FAM193B: variants seen among roughly 807,000 people sequenced by gnomAD.
The protein encoded by FAM193B is protein FAM193B.
FAM193B carries 27 observed loss-of-function variants against 70.7 expected under a neutral mutation model. That is an observed-to-expected ratio of 0.38 (90% confidence interval 0.28 to 0.53). FAM193B has a LOEUF of 0.53. Ranked by LOEUF, FAM193B falls within the 20% of genes least tolerant of loss-of-function variation. FAM193B has a pLI of 0.81. For missense variants in FAM193B, 1,022 were observed against 1,072.5 expected (o/e 0.95, Z 0.66); for synonymous variants, 448 against 436.0 (o/e 1.03, Z -0.34).
intron 1 of FAM193B, among the ~76,000 whole-genome samples, chr5:177,543,018 A>T (rs1765033568): frequency 6.6e-6 from 1 of 152,212 alleles, no homozygotes; most frequent in South Asian, 2.1e-4. Context: ...TGCTGCCTAC[A>T]GAGAAAGGCC....
Position 177,526,010 on chromosome 5 carries a change from C to T in FAM193B, c.1276-805G>A, listed in dbSNP as rs1018928777. Among the ~76,000 whole-genome samples, 4 of 152,356 alleles carry T rather than the reference C, an allele frequency of 2.6e-5. No individual in the cohort carries two copies. In the South Asian group the frequency reaches 6.2e-4, roughly 24 times the overall value. On this transcript the variant is annotated intron_variant, in intron 5 of 8. Coordinates refer to ENST00000514747, the MANE Select transcript of FAM193B (RefSeq NM_001190946.3). ...TAAAAAACCCTCGGGAAGGAGGTTG[C>T]TGTGGTGCGCCTGGCGCCATTGACT...
intron 4 of FAM193B, among the ~76,000 whole-genome samples, chr5:177,535,012 T>G (rs905142628): frequency 2.6e-5 from 4 of 152,230 alleles, no homozygotes; most frequent in Non-Finnish European, 5.9e-5. Context: ...CCCCTTTGGA[T>G]AGCAGTTTTT....
intron 8 of FAM193B, among the ~76,000 whole-genome samples, chr5:177,521,188 G>T (rs1325733226): frequency 6.6e-6 from 1 of 152,198 alleles, no homozygotes; most frequent in African/African-American, 2.4e-5. Flanking sequence ...TGAGGGTTGA[G>T]ATATGAAACT....
intron 5 of FAM193B, chr5:177,531,536 G>GGGGGGGGGGGGGGGGC: frequency 1.9e-6 from 2 of 1,047,042 alleles, no homozygotes; most frequent in Non-Finnish European, 2.6e-6. Flanking sequence ...GGGTGGGGGG[G>GGGGGGGGGGGGGGGGC]AGGTGCTGAC....
At chr5:177,531,529 T>TGGCGGGGGGG in intron 5 of FAM193B, 4 of 488,020 alleles carry the variant, frequency 8.2e-6, no homozygotes, top group South Asian at 2.1e-5. Context: ...TGGCTGGGGG[T>TGGCGGGGGGG]GGGGGGGAGG....
chr5:177,524,003 C>T lies in FAM193B; in HGVS notation c.2326G>A (p.Gly776Arg), dbSNP rs1026933710. 6 of 1,614,090 alleles carry T rather than the reference C, an allele frequency of 3.7e-6. No homozygotes were observed. The highest frequency in any genetic ancestry group is 5.1e-6 in the Non-Finnish European group (6 of 1,179,904). The change falls in exon 7 of 9, where the codon GGG (glycine) becomes AGG (arginine). Residue 776 changes from glycine (G) to arginine (R), a missense_variant. Transcript: ENST00000514747. Reference protein sequence around the residue: ...DDVFLPKDMDGVEMDETDREV... With the variant: ...DDVFLPKDMDRVEMDETDREV... ...CGGTCAGTCTCATCCATCTCCACCC[C>T]GTCCATGTCCTTGGGCAGGAACACA... is the stretch of plus-strand genomic sequence containing the variant.
chr5:177,536,861 G>A lies in FAM193B; in HGVS notation c.689-116C>T, dbSNP rs1161362533. The A allele has an allele frequency of 9.7e-6, 13 of 1,342,370 alleles. No individual in the cohort carries two copies. In the South Asian group the frequency reaches 1.7e-4, roughly 18 times the overall value. 83.2% of individuals were successfully genotyped at this position (1,342,370 alleles called of 1,614,324 possible). ...TGTGACAAGAGGGCACAGCCTCTCA[G>A]CACAGGGGACCCTGGAGCTGCAGAA... On this transcript the variant is annotated intron_variant, in intron 3 of 8. Transcript: ENST00000514747.
chr5:177,551,940 G>A (rs934494098), intron 1 of FAM193B: 45 of 771,390 alleles, frequency 5.8e-5, no homozygotes, highest in African/African-American at 1.1e-4. Flanking sequence ...CCCCACCCCC[G>A]GTCAAAGTGG....
At chr5:177,551,013 TTATAGAAC>T (rs1766161538) in intron 1 of FAM193B, among the ~76,000 whole-genome samples, 2 of 151,570 alleles carry the variant, frequency 1.3e-5, no homozygotes, top group Non-Finnish European at 2.9e-5. Flanking sequence ...TTTTTTTTTT[TTATAGAAC>T]CAGAGATCTC....
At chr5:177,526,986 G>A (rs1762708982) in intron 5 of FAM193B, among the ~76,000 whole-genome samples, 1 of 152,236 alleles carries the variant, frequency 6.6e-6, no homozygotes, top group Non-Finnish European at 1.5e-5. Flanking sequence ...GACAAGTGCT[G>A]CATGGAAGAA....
chr5:177,548,105 CTTT>C (rs930603473), intron 1 of FAM193B, among the ~76,000 whole-genome samples: 1 of 152,102 alleles, frequency 6.6e-6, no homozygotes, highest in African/African-American at 2.4e-5. Context: ...TTTTTCTTCT[CTTT>C]TTTTTAGGCT....
At chr5:177,522,247 G>A in intron 7 of FAM193B, 176 bp from the exon 8 acceptor site, 1 of 570,748 alleles carries the variant, frequency 1.8e-6, no homozygotes, top group Non-Finnish European at 3.1e-6. Flanking sequence ...GGGGGCTTCT[G>A]GATTGGGCCC....
intron 1 of FAM193B, among the ~76,000 whole-genome samples, chr5:177,552,789 A>C (rs372778071): frequency 6.6e-6 from 1 of 152,350 alleles, no homozygotes; most frequent in East Asian, 1.9e-4. Flanking sequence ...ACACTCAGTA[A>C]GTGCTGACAT....
At position 177,532,603 on chromosome 5, in the gene FAM193B, C is replaced by A; in HGVS notation, c.1115G>T (p.Gly372Val). The A allele has an allele frequency of 1.3e-6, 2 of 1,588,500 alleles. No individual in the cohort carries two copies. The highest frequency in any genetic ancestry group is 1.7e-6 in the Non-Finnish European group (2 of 1,171,870). Reference protein sequence around the residue: ...GCKGHKFAHSGLACQLPQPCE... With the variant: ...GCKGHKFAHSVLACQLPQPCE... ...GGGCTGGGGCAGCTGGCAAGCCAGG[C>A]CACTGTGTGCAAACTTGTGCCCCTT... is the stretch of plus-strand genomic sequence containing the variant. Residue 372 changes from glycine (G) to valine (V), a missense_variant, in exon 5 of 9, where the codon GGC becomes GTC. Gly to Val is a moderately radical substitution (Grantham distance 109). Transcript: ENST00000514747. This position sits in a 1 kb window ranked among gnomAD's most constrained non-coding sequence, Gnocchi z 4.9.
At chr5:177,554,053 A>C (rs890496795) in intron 1 of FAM193B, 196 bp downstream of exon 1, 26 of 1,348,898 alleles carry the variant, frequency 1.9e-5, no homozygotes, top group Non-Finnish European at 2.5e-5. Context: ...AGGAGCGCGG[A>C]CCGAGCCTCG....
rs747181716 is a variant in FAM193B, at chr5:177,524,187, AAGG to A, written c.2291_2293del (p.Ser764del). 1.3e-6 allele frequency: 2 copies of A among 1,564,862 alleles called. No homozygotes were observed. The highest frequency in any genetic ancestry group is 1.2e-5 in the South Asian group (1 of 84,098). On this transcript the variant is annotated inframe_deletion, in exon 6 of 9. Transcript: ENST00000514747. ...CGCTCAGTTCCTGGTGCACTCACCC[AAGG>A]AGGAGGCTGGCTTCTCCTGCTTGTT...
At chr5:177,531,531 G>A (rs554561813) in intron 5 of FAM193B, 8 of 1,283,376 alleles carry the variant, frequency 6.2e-6, no homozygotes, top group Non-Finnish European at 8.2e-6. Context: ...GCTGGGGGTG[G>A]GGGGGAGGTG....
At chr5:177,551,279 T>C (rs1042065335) in intron 1 of FAM193B, among the ~76,000 whole-genome samples, 2 of 151,826 alleles carry the variant, frequency 1.3e-5, no homozygotes, top group African/African-American at 2.4e-5. Context: ...ATTTTTTTTT[T>C]TGTTTGTTTT....
chr5:177,537,727 TC>T, intron 3 of FAM193B, 145 bp downstream of exon 3: 1 of 1,195,316 alleles, frequency 8.4e-7, no homozygotes, highest in Non-Finnish European at 1.1e-6. Context: ...ATAGTCAAGG[TC>T]TAAGCTGCCC....
Sources: allele counts gnomAD v4.1 joint callset (sites outside exome capture counted in the v4.1 genomes callset), GRCh38; gene constraint gnomAD v4.1.1; non-coding constraint Gnocchi (gnomAD v3.1); transcripts MANE v1.5; gene names NCBI Gene and HGNC (gene_info 2026-07-23, HGNC 2026-07-21).